The following CDYL2 variants were observed in gnomAD, a reference collection of about 807,000 sequenced individuals.
CDYL2 encodes the protein chromodomain Y-like protein 2.
In CDYL2, 23 loss-of-function variants were observed where a neutral mutation model predicts 49.4. The ratio of observed to expected loss-of-function variants is 0.47; its 90% confidence interval spans 0.34 to 0.66. CDYL2 has a LOEUF of 0.66. Among genes scored for constraint, CDYL2 ranks in the 30% least tolerant of loss-of-function variants. The probability of loss-of-function intolerance (pLI) is 0.01; values close to 1 mark genes in which losing one functional copy is unlikely to be tolerated. For missense variants in CDYL2, 678 were observed against 656.4 expected (o/e 1.03, Z -0.36); for synonymous variants, 360 against 268.8 (o/e 1.34, Z -3.32).
At chr16:80,671,160 G>C (rs1909487807) in intron 2 of CDYL2, among the ~76,000 whole-genome samples, 1 of 152,138 alleles carries the variant, frequency 6.6e-6, no homozygotes, top group Non-Finnish European at 1.5e-5. Flanking sequence ...AGCTCTCCAG[G>C]GAGCAGACAG....
chr16:80,745,163 T>C (rs1195979417), intron 1 of CDYL2, among the ~76,000 whole-genome samples: 1 of 151,980 alleles, frequency 6.6e-6, no homozygotes, highest in Non-Finnish European at 1.5e-5. Context: ...CCAATCAAGG[T>C]GAGAGGTTCA....
chr16:80,772,653 G>A lies in CDYL2; in HGVS notation c.24+31497C>T, dbSNP rs151121888. 4.1e-4 allele frequency among the ~76,000 whole-genome samples: 62 copies of A among 151,984 alleles called. 1 individual carries two copies. Among genetic ancestry groups the A allele is most frequent in the Middle Eastern group, 3.4e-3 (1 of 294 alleles). On this transcript the variant is annotated intron_variant, in intron 1 of 6. Transcript: ENST00000570137. The stretch of plus-strand genomic sequence containing the variant: ...TTTTTAGTAGAGACGGGGTTTCACC[G>A]TGTTAGCCAGGATGGTCTCAATCTC...
chr16:80,715,229 G>C (rs114645403), intron 1 of CDYL2, among the ~76,000 whole-genome samples: 1 of 152,096 alleles, frequency 6.6e-6, no homozygotes, highest in African/African-American at 2.4e-5. Flanking sequence ...GCACTGACGT[G>C]GGCTCCACAG....
chr16:80,721,086 G>T (rs571626810), intron 1 of CDYL2, among the ~76,000 whole-genome samples: 1 of 152,146 alleles, frequency 6.6e-6, no homozygotes, highest in Non-Finnish European at 1.5e-5. Flanking sequence ...CAGCAGTTAG[G>T]GGCTTCCTTC....
intron 2 of CDYL2, chr16:80,670,852 A>C (rs923312176): frequency 6.6e-6 from 3 of 451,310 alleles, no homozygotes; most frequent in South Asian, 3.1e-5. Context: ...GGAAGATAAA[A>C]GGGGCTCTAT....
intron 1 of CDYL2, among the ~76,000 whole-genome samples, chr16:80,722,953 G>A (rs1905048071): frequency 2.0e-5 from 3 of 152,216 alleles, no homozygotes; most frequent in Admixed American, 2.0e-4. Context: ...GCCCTTAGAG[G>A]GCAAGGAGGA....
intron 3 of CDYL2, among the ~76,000 whole-genome samples, chr16:80,624,589 A>G (rs576530194): frequency 5.9e-5 from 9 of 152,334 alleles, no homozygotes; most frequent in African/African-American, 2.2e-4. Context: ...AAAAATCACA[A>G]AACACTTGGG....
At chr16:80,732,336 G>T (rs1368248604) in intron 1 of CDYL2, among the ~76,000 whole-genome samples, 1 of 152,084 alleles carries the variant, frequency 6.6e-6, no homozygotes, top group African/African-American at 2.4e-5. Flanking sequence ...GGTGACATAT[G>T]GTATGTCCCT....
At chr16:80,759,103 T>TAC in intron 1 of CDYL2, among the ~76,000 whole-genome samples, 1 of 3,218 alleles carries the variant, frequency 3.1e-4, no homozygotes, top group African/African-American at 1.5e-3. Flanking sequence ...AACCATATAC[T>TAC]ATATATATAT....
At chr16:80,649,234 GAAAACTA>G (rs1908482186) in intron 2 of CDYL2, among the ~76,000 whole-genome samples, 1 of 152,080 alleles carries the variant, frequency 6.6e-6, no homozygotes, top group Non-Finnish European at 1.5e-5. Flanking sequence ...GTTATATTGG[GAAAACTA>G]AGGACTCCAC....
At chr16:80,697,838 C>T (rs1490910878) in intron 1 of CDYL2, among the ~76,000 whole-genome samples, 1 of 151,440 alleles carries the variant, frequency 6.6e-6, no homozygotes, top group Admixed American at 6.6e-5. Flanking sequence ...ATAAATTTAA[C>T]CAAGGAGATG....
At chr16:80,671,465 C>T (rs573862466) in intron 2 of CDYL2, among the ~76,000 whole-genome samples, 3 of 152,344 alleles carry the variant, frequency 2.0e-5, no homozygotes, top group South Asian at 4.1e-4. Flanking sequence ...TTTCAGCTGT[C>T]GCCCAAGTCT....
chr16:80,649,189 G>A (rs930750773), intron 2 of CDYL2, among the ~76,000 whole-genome samples: 1 of 152,066 alleles, frequency 6.6e-6, no homozygotes, highest in African/African-American at 2.4e-5. Flanking sequence ...TGGAAAGAAA[G>A]AAAGCAAATT....
At chr16:80,658,627 G>C (rs1304896399) in intron 2 of CDYL2, among the ~76,000 whole-genome samples, 1 of 152,136 alleles carries the variant, frequency 6.6e-6, no homozygotes, top group Middle Eastern at 3.2e-3. Context: ...AATCCAGTGA[G>C]GTTAAAATGG....
intron 1 of CDYL2, among the ~76,000 whole-genome samples, chr16:80,717,346 C>G (rs922006525): frequency 2.0e-5 from 3 of 152,176 alleles, no homozygotes; most frequent in Non-Finnish European, 4.4e-5. Context: ...TTTCCTACAT[C>G]ATTATTATTC....
chr16:80,725,681 G>C (rs574864594), intron 1 of CDYL2, among the ~76,000 whole-genome samples: 13 of 152,210 alleles, frequency 8.5e-5, no homozygotes, highest in Non-Finnish European at 1.8e-4. Flanking sequence ...CGACTGACCT[G>C]AGAAACCCTA....
intron 1 of CDYL2, among the ~76,000 whole-genome samples, chr16:80,769,221 G>A (rs960382796): frequency 6.6e-6 from 1 of 152,194 alleles, no homozygotes. Flanking sequence ...TCTGGGATAG[G>A]ATCGCATTCT....
At chr16:80,727,133 C>T (rs980854728) in intron 1 of CDYL2, among the ~76,000 whole-genome samples, 12 of 152,204 alleles carry the variant, frequency 7.9e-5, no homozygotes, top group Non-Finnish European at 1.5e-4. Context: ...TCTACAGCTC[C>T]CAGCGTGAGT....
At chr16:80,668,346 G>C (rs1033135245) in intron 2 of CDYL2, among the ~76,000 whole-genome samples, 6 of 152,154 alleles carry the variant, frequency 3.9e-5, no homozygotes, top group Admixed American at 3.9e-4. Context: ...TAGACAGACA[G>C]ATGACAGACA....
Sources: gnomAD v4.1 joint callset for allele counts (sites outside exome capture counted in the v4.1 genomes callset) on GRCh38, gnomAD v4.1.1 for gene constraint, MANE v1.5 for transcripts, NCBI Gene and HGNC (gene_info 2026-07-23, HGNC 2026-07-21) for gene names.